KCNJ2: variants seen among roughly 807,000 people sequenced by gnomAD.
The protein encoded by KCNJ2 is potassium inwardly rectifying channel subfamily J member 2.
KCNJ2 carries 12 observed loss-of-function variants against 28.4 expected under a neutral mutation model. The ratio of observed to expected loss-of-function variants is 0.42; its 90% CI spans 0.27 to 0.68. The LOEUF is 0.68. Among genes scored for constraint, KCNJ2 ranks in the 30% least tolerant of loss-of-function variants. The pLI is 0.23. For missense variants in KCNJ2, 320 were observed against 551.3 expected, an observed-to-expected ratio of 0.58 and a Z score of 4.20; for synonymous variants, 200 against 203.2, an observed-to-expected ratio of 0.98 and a Z score of 0.13.
chr17:70,176,336 TTCTC>T lies in KCNJ2; in HGVS notation c.*15_*18del, dbSNP rs1479678010. The T allele has an allele frequency of 6.2e-7, 1 of 1,609,288 alleles. No individual in the cohort carries two copies. The highest frequency in any genetic ancestry group is 1.3e-5 in the African/African-American group (1 of 74,814). On this transcript the variant is annotated 3_prime_UTR_variant, in exon 2 of 2. Coordinates refer to ENST00000243457, the MANE Select transcript of KCNJ2 (RefSeq NM_000891.3). The stretch of plus-strand genomic sequence containing the variant: ...GTCGGAGATATGACTGACTGATTCC[TTCTC>T]TGGAATAGTTACTTTACAACACGGT...
Position 70,179,661 on chromosome 17 carries a change from A to T in KCNJ2, c.*3338A>T, listed in dbSNP as rs557623909. ...CTGTCCCGTAAATCATATTTCCCTT[A>T]CAATTAATAAATGTCACTTCATATT... On this transcript the variant is annotated 3_prime_UTR_variant, in exon 2 of 2. Coordinates refer to ENST00000243457, the MANE Select transcript of KCNJ2 (RefSeq NM_000891.3). 1 of 166,432 alleles carries T rather than the reference A, an allele frequency of 6.0e-6. No homozygotes were observed. Among genetic ancestry groups the T allele is most frequent in the South Asian group, 2.1e-4 (1 of 4,814 alleles). 10.3% of individuals were successfully genotyped at this position (166,432 alleles called of 1,614,324 possible).
rs2074404495 is a variant in KCNJ2 at position 70,177,892 on chromosome 17, G to C, written c.*1569G>C. 6.0e-6 allele frequency: 1 copy of C among 167,006 alleles called. No individual in the cohort carries two copies. Among genetic ancestry groups the C allele is most frequent in the Non-Finnish European group, 1.5e-5 (1 of 68,108 alleles). 10.3% of individuals were successfully genotyped at this position (167,006 alleles called of 1,614,324 possible). ...ATACTTATGACTGAATGTGAGCTAA[G>C]CATTTTCTCCTGTGGAGCCCTAGAG... On this transcript the variant is annotated 3_prime_UTR_variant, in exon 2 of 2. Transcript: ENST00000243457.
At position 70,178,137 on chromosome 17, in the gene KCNJ2, T is replaced by C. The variant is rs1215451516; in HGVS notation, c.*1814T>C. The C allele has an allele frequency of 1.2e-5, 2 of 166,874 alleles. No homozygotes were observed. The highest frequency in any genetic ancestry group is 2.9e-5 in the Non-Finnish European group (2 of 68,086). The allele number at this position is 166,874 out of a possible 1,614,324, so 10.3% of individuals were successfully genotyped here. On this transcript the variant is annotated 3_prime_UTR_variant, in exon 2 of 2. Transcript: ENST00000243457. Reference sequence around the variant, plus strand: ...CAACTCTCTTATGGTATTATATCTCTGTATGCCATTAAAAAACAGCTTGTT... The same window carrying C: ...CAACTCTCTTATGGTATTATATCTCCGTATGCCATTAAAAAACAGCTTGTT...
chr17:70,170,421 T>C (rs1269268521), intron 1 of KCNJ2, among the ~76,000 whole-genome samples: 1 of 151,992 alleles, frequency 6.6e-6, no homozygotes, highest in Admixed American at 6.6e-5. Context: ...TGCAAAAAGA[T>C]TGCATCATAG....
In KCNJ2 at chr17:70,176,903, TTC is replaced by T; in HGVS notation, c.*590_*591del. 1 of 175,052 alleles carries T rather than the reference TTC, an allele frequency of 5.7e-6. No individual in the cohort carries two copies. Among genetic ancestry groups the T allele is most frequent in the South Asian group, 1.7e-4 (1 of 5,746 alleles). 10.8% of individuals were successfully genotyped at this position (175,052 alleles called of 1,614,324 possible). A position where few individuals can be genotyped will look rare whatever the true frequency, so the allele number is the denominator to read the frequency against. On this transcript the variant is annotated 3_prime_UTR_variant, in exon 2 of 2. Transcript: ENST00000243457. ...ATTCGTTTGCTAGAATTGATTTTTT[TTC>T]TCTCTCTCTTTGTTACATAAGGGCA...
chr17:70,174,812 C>T lies in KCNJ2; in HGVS notation c.-216-12C>T. 3.3e-6 allele frequency: 2 copies of T among 597,204 alleles called. No individual in the cohort carries two copies. The highest frequency in any genetic ancestry group is 4.5e-4 in the Middle Eastern group (1 of 2,226). 37.0% of individuals were successfully genotyped at this position (597,204 alleles called of 1,614,324 possible). A position where few individuals can be genotyped will look rare whatever the true frequency, so the allele number is the denominator to read the frequency against. ...GCTTATTTTGTAATGCACAGTCTCT[C>T]TTTTCTTGCAGGACATGTTCTCTGG... On this transcript the variant is annotated splice_polypyrimidine_tract_variant and intron_variant, in intron 1 of 1. Transcript: ENST00000243457.
chr17:70,179,455 TC>T lies in KCNJ2; in HGVS notation c.*3135del, dbSNP rs1418773937. On this transcript the variant is annotated 3_prime_UTR_variant, in exon 2 of 2. Transcript: ENST00000243457. ...TTATTGAGAAAGGAGTAGTTTTCTA[TC>T]CCTCTAAGAGTATACTTGAATCAGA... The T allele has an allele frequency of 6.0e-6, 1 of 166,906 alleles. No individual in the cohort carries two copies. Among genetic ancestry groups the T allele is most frequent in the East Asian group, 1.9e-4 (1 of 5,198 alleles). 10.3% of individuals were successfully genotyped at this position (166,906 alleles called of 1,614,324 possible). A position where few individuals can be genotyped will look rare whatever the true frequency, so the allele number is the denominator to read the frequency against.
Position 70,176,190 on chromosome 17 carries a change from G to T in KCNJ2, c.1151G>T (p.Ser384Ile). 1.2e-6 allele frequency: 2 copies of T among 1,613,958 alleles called. No homozygotes were observed. The highest frequency in any genetic ancestry group is 1.7e-6 in the Non-Finnish European group (2 of 1,179,994). ...FCYENEVALT[S>I]KEEDDSENGV... ...TATGAAAATGAAGTTGCCCTCACAAGCAAAGAGGAAGACGACAGTGAAAAT... is the reference window on the plus strand; with the variant it reads ...TATGAAAATGAAGTTGCCCTCACAATCAAAGAGGAAGACGACAGTGAAAAT... Residue 384 changes from serine (S) to isoleucine (I), a missense_variant, in exon 2 of 2, where the codon AGC becomes ATC. Around this residue, in one of 3 missense-constraint regions of KCNJ2, gnomAD observed 155 missense variants for 231.6 expected, o/e 0.67. Transcript: ENST00000243457.
rs900580906 is a variant in KCNJ2, at chr17:70,176,972, T to A, written c.*649T>A. ...GAATGGTAGCCTCTGGGTTGTTGTT[T>A]TTTTCTTTTCCTCCATGATGTTAAT... is the stretch of plus-strand genomic sequence containing the variant. On this transcript the variant is annotated 3_prime_UTR_variant, in exon 2 of 2. Transcript: ENST00000243457. The A allele has an allele frequency of 6.6e-5, 11 of 166,016 alleles. No individual in the cohort carries two copies. The highest frequency in any genetic ancestry group is 2.8e-4 in the African/African-American group (11 of 39,780). The allele number at this position is 166,016 out of a possible 1,614,324, so 10.3% of individuals were successfully genotyped here. A position where few individuals can be genotyped will look rare whatever the true frequency, so the allele number is the denominator to read the frequency against.
At chr17:70,174,664 A>G (rs2144375812) in intron 1 of KCNJ2, among the ~76,000 whole-genome samples, 160 bp from the exon 2 acceptor site, 1 of 152,368 alleles carries the variant, frequency 6.6e-6, no homozygotes, top group East Asian at 1.9e-4. Context: ...AGTTTTACAA[A>G]GCATGCTTAG....
chr17:70,172,648 T>G (rs2144373378), intron 1 of KCNJ2, among the ~76,000 whole-genome samples: 1 of 152,324 alleles, frequency 6.6e-6, no homozygotes, highest in Non-Finnish European at 1.5e-5. Flanking sequence ...AATTTGAGAC[T>G]GTCTACTCAT....
chr17:70,176,709 G>T lies in KCNJ2; in HGVS notation c.*386G>T. 3.6e-6 allele frequency: 1 copy of T among 275,504 alleles called. No individual in the cohort carries two copies. The highest frequency in any genetic ancestry group is 7.5e-6 in the Non-Finnish European group (1 of 132,476). The allele number at this position is 275,504 out of a possible 1,614,324, so 17.1% of individuals were successfully genotyped here. On this transcript the variant is annotated 3_prime_UTR_variant, in exon 2 of 2. Coordinates refer to ENST00000243457, the MANE Select transcript of KCNJ2 (RefSeq NM_000891.3). ...AAGACTCTGCCTTAATTTTTGAAAA[G>T]CTGCTAACTACATGAACACAAATGT... is the stretch of plus-strand genomic sequence containing the variant.
At chr17:70,170,906 T>C (rs1221418994) in intron 1 of KCNJ2, among the ~76,000 whole-genome samples, 1 of 152,224 alleles carries the variant, frequency 6.6e-6, no homozygotes, top group Admixed American at 6.5e-5. Flanking sequence ...AATGACACTT[T>C]ATTTTTTAAT....
At chr17:70,174,406 C>T (rs1020529561) in intron 1 of KCNJ2, among the ~76,000 whole-genome samples, 3 of 152,188 alleles carry the variant, frequency 2.0e-5, no homozygotes, top group Admixed American at 2.0e-4. Context: ...GTTTTCTAAA[C>T]ATGTCCTTTT....
At chr17:70,174,632 C>T (rs1190696324) in intron 1 of KCNJ2, among the ~76,000 whole-genome samples, 192 bp from the exon 2 acceptor site, 4 of 152,118 alleles carry the variant, frequency 2.6e-5, no homozygotes, top group Non-Finnish European at 5.9e-5. Flanking sequence ...CTATGTTTAA[C>T]GACTTTATGC....
At position 70,176,251 on chromosome 17, in the gene KCNJ2, T is replaced by C. The variant is rs763917912; in HGVS notation, c.1212T>C (p.Pro404=). The C allele has an allele frequency of 2.5e-6, 4 of 1,614,140 alleles. No homozygotes were observed. The highest frequency in any genetic ancestry group is 3.3e-5 in the Admixed American group (2 of 60,014). ...VPESTSTDTP[P]DIDLHNQASV... is the part of the protein sequence containing the mutation. ...AAAGCACTAGTACGGACACGCCCCC[T>C]GACATAGACCTTCACAACCAGGCAA... is the stretch of plus-strand genomic sequence containing the variant. Residue 404 remains proline (P), a synonymous_variant, in exon 2 of 2, where the codon CCT becomes CCC. Transcript: ENST00000243457.
chr17:70,170,945 T>C (rs1262472129), intron 1 of KCNJ2, among the ~76,000 whole-genome samples: 1 of 152,210 alleles, frequency 6.6e-6, no homozygotes, highest in East Asian at 1.9e-4. Context: ...AAATATTTGA[T>C]CTAAACTCAT....
rs35656864 is a variant in KCNJ2, at chr17:70,179,064, ATTTTTTTTTTTTTTTTTTTTTT to A, written c.*2754_*2775del. The A allele has an allele frequency of 7.4e-5, 5 of 67,264 alleles. No individual in the cohort carries two copies. In the Admixed American group the frequency reaches 1.2e-3, roughly 16 times the overall value. The allele number at this position is 67,264 out of a possible 1,614,324, so 4.2% of individuals were successfully genotyped here. A position where few individuals can be genotyped will look rare whatever the true frequency, so the allele number is the denominator to read the frequency against. ...TAACAGTTACAAGCTTTAAATGGCA[ATTTTTTTTTTTTTTTTTTTTTT>A]TTTTTTTTTTTTGTCAAGAGCCAAG... On this transcript the variant is annotated 3_prime_UTR_variant, in exon 2 of 2. Coordinates refer to ENST00000243457, the MANE Select transcript of KCNJ2 (RefSeq NM_000891.3).
chr17:70,172,140 T>G (rs576497890), intron 1 of KCNJ2, among the ~76,000 whole-genome samples: 112 of 152,094 alleles, frequency 7.4e-4, no homozygotes, highest in African/African-American at 2.7e-3. Flanking sequence ...AAAGCAATTT[T>G]TACCATGAAA....
Sources: gnomAD v4.1 joint callset for allele counts (sites outside exome capture counted in the v4.1 genomes callset) on GRCh38, gnomAD v4.1.1 for gene constraint, gnomAD v4.1.1 regional missense constraint, MANE v1.5 for transcripts, NCBI Gene and HGNC (gene_info 2026-07-23, HGNC 2026-07-21) for gene names.